Variants in VAX2 observed in about 807,000 individuals in gnomAD.
The protein encoded by VAX2 is ventral anterior homeobox 2.
In VAX2, 8 loss-of-function variants were observed where a neutral mutation model predicts 12.5. That is an observed-to-expected ratio of 0.64 (90% CI 0.37 to 1.15). VAX2 has a LOEUF of 1.15. Ranked by LOEUF, VAX2 falls within the 50% of genes most tolerant of loss-of-function variation. VAX2 has a pLI of 0.01. For missense variants in VAX2, 476 were observed against 412.9 expected, an observed-to-expected ratio of 1.15 and a Z score of -1.32; for synonymous variants, 183 against 187.6, an observed-to-expected ratio of 0.98 and a Z score of 0.20.
intron 1 of VAX2, among the ~76,000 whole-genome samples, chr2:70,906,520 CTTTTTTTTTTT>C (rs869309305): frequency 1.7e-5 from 1 of 60,606 alleles, no homozygotes; most frequent in East Asian, 5.7e-4. Flanking sequence ...TTTTCTTTTC[CTTTTTTTTTTT>C]TTTTTTTTTT....
At position 70,913,672 on chromosome 2, in the gene VAX2, A is replaced by G. The variant is rs1421119841; in HGVS notation, c.248-7426A>G. ...GCCTGGGTGACAGAGCGAGACTCCG[A>G]CTCAAAATAAATAAATAAATAAATA... is the stretch of plus-strand genomic sequence containing the variant. On this transcript the variant is annotated intron_variant, in intron 1 of 2. Coordinates refer to ENST00000234392, the MANE Select transcript of VAX2 (RefSeq NM_012476.3). 4.0e-5 allele frequency among the ~76,000 whole-genome samples: 6 copies of G among 149,354 alleles called. No homozygotes were observed. The East Asian group carries it at 1.2e-3, about 29-fold the overall frequency.
chr2:70,905,820 CCG>C (rs1679045311), intron 1 of VAX2, among the ~76,000 whole-genome samples: 1 of 152,132 alleles, frequency 6.6e-6, no homozygotes, highest in Non-Finnish European at 1.5e-5. Context: ...TGGCATGCAC[CCG>C]CAGTCAGTCA....
chr2:70,911,971 C>T (rs1219179819), intron 1 of VAX2, among the ~76,000 whole-genome samples: 2 of 152,122 alleles, frequency 1.3e-5, no homozygotes, highest in African/African-American at 4.8e-5. Flanking sequence ...CTTTTATTTA[C>T]ATTTAAATTT....
At chr2:70,929,685 T>TAAAAAAAA (rs781783179) in intron 2 of VAX2, among the ~76,000 whole-genome samples, 1 of 32,606 alleles carries the variant, frequency 3.1e-5, no homozygotes, top group African/African-American at 1.9e-4. Flanking sequence ...AGACTCCATC[T>TAAAAAAAA]CAAAAAAAAA....
chr2:70,908,677 T>G (rs781886797), intron 1 of VAX2, among the ~76,000 whole-genome samples: 4 of 152,258 alleles, frequency 2.6e-5, no homozygotes, highest in African/African-American at 7.2e-5. Flanking sequence ...GAGAAGTTCC[T>G]AAAAGTGAAT....
chr2:70,912,828 GT>G (rs1472316769), intron 1 of VAX2, among the ~76,000 whole-genome samples: 1 of 152,022 alleles, frequency 6.6e-6, no homozygotes, highest in Non-Finnish European at 1.5e-5. Context: ...CAGGCCGGGG[GT>G]CACCACCTCT....
chr2:70,910,643 C>A (rs1679161019), intron 1 of VAX2, among the ~76,000 whole-genome samples: 1 of 151,934 alleles, frequency 6.6e-6, no homozygotes, highest in South Asian at 2.1e-4. Context: ...ATATTCTCTT[C>A]TGTGAATTTT....
At chr2:70,925,035 C>T (rs914941683) in intron 2 of VAX2, among the ~76,000 whole-genome samples, 9 of 152,078 alleles carry the variant, frequency 5.9e-5, no homozygotes, top group South Asian at 2.1e-4. Context: ...TCAAGGCAGA[C>T]GGTAACTATG....
chr2:70,928,248 C>T (rs1278825431), intron 2 of VAX2, among the ~76,000 whole-genome samples: 1 of 152,178 alleles, frequency 6.6e-6, no homozygotes, highest in Non-Finnish European at 1.5e-5. Flanking sequence ...GAGAGTTGAC[C>T]CTTCTTACTC....
chr2:70,909,740 T>A (rs1553411007), intron 1 of VAX2, among the ~76,000 whole-genome samples: 1 of 152,218 alleles, frequency 6.6e-6, no homozygotes, highest in Non-Finnish European at 1.5e-5. Flanking sequence ...TCCCTCATTC[T>A]TTTTAACCAC....
At chr2:70,917,083 G>A (rs188512756) in intron 1 of VAX2, among the ~76,000 whole-genome samples, 1,538 of 150,416 alleles carry the variant, frequency 0.01, 8 homozygotes, top group Non-Finnish European at 0.018. Context: ...ACCAGAAGAC[G>A]GAGGTTGCAG....
At chr2:70,928,984 A>C (rs1679630837) in intron 2 of VAX2, among the ~76,000 whole-genome samples, 1 of 152,124 alleles carries the variant, frequency 6.6e-6, no homozygotes, top group Non-Finnish European at 1.5e-5. Context: ...AGGTCCTAGG[A>C]CGGGGAGGTG....
At chr2:70,921,354 C>T (rs539334640) in intron 2 of VAX2, 69 bp downstream of exon 2, 1 of 1,465,934 alleles carries the variant, frequency 6.8e-7, no homozygotes, top group African/African-American at 1.4e-5. Flanking sequence ...GATATGAGGC[C>T]CTGTGAGCTG....
chr2:70,916,717 A>G (rs1401317559), intron 1 of VAX2, among the ~76,000 whole-genome samples: 3 of 152,166 alleles, frequency 2.0e-5, no homozygotes, highest in Non-Finnish European at 4.4e-5. Flanking sequence ...TTTCCTGAGT[A>G]GTATCCCAGA....
At chr2:70,913,632 C>T (rs932195326) in intron 1 of VAX2, among the ~76,000 whole-genome samples, 4 of 151,958 alleles carry the variant, frequency 2.6e-5, no homozygotes, top group Admixed American at 1.3e-4. Context: ...GCCAAGATCA[C>T]GCCACTGCAC....
At chr2:70,912,377 A>G (rs1553411329) in intron 1 of VAX2, among the ~76,000 whole-genome samples, 2 of 152,168 alleles carry the variant, frequency 1.3e-5, no homozygotes, top group Non-Finnish European at 1.5e-5. Context: ...TCAGCATATT[A>G]TCGGCCAGGC....
intron 2 of VAX2, among the ~76,000 whole-genome samples, chr2:70,928,557 G>A (rs1332799667): frequency 6.6e-6 from 1 of 152,110 alleles, no homozygotes; most frequent in Non-Finnish European, 1.5e-5. Flanking sequence ...CCCAGCACCA[G>A]CCCACACCCG....
At chr2:70,910,473 A>G (rs1411512161) in intron 1 of VAX2, among the ~76,000 whole-genome samples, 2 of 152,130 alleles carry the variant, frequency 1.3e-5, no homozygotes, top group African/African-American at 4.8e-5. Context: ...ACTCTTAGCC[A>G]TCTTGTATAA....
Position 70,900,709 on chromosome 2 carries a change from G to T in VAX2, c.88G>T (p.Gly30Ter). Residue 30 changes from glycine (G) to a stop codon, truncating the protein, a stop_gained, in exon 1 of 3, where the codon GGA (glycine) becomes TGA (stop). Transcript: ENST00000234392. LOFTEE classifies it high-confidence loss of function. ...CGGTGGGCGCTGCGGAGACCGCAGC[G>T]GAGCGGGGGACTTGCGAGCTGATGG... ...GGGGRCGDRS[G>*]AGDLRADGGG... The T allele has an allele frequency of 2.9e-6, 4 of 1,367,032 alleles. No individual in the cohort carries two copies. Among genetic ancestry groups the T allele is most frequent in the Non-Finnish European group, 3.8e-6 (4 of 1,056,824 alleles). The allele number at this position is 1,367,032 out of a possible 1,614,324, so 84.7% of individuals were successfully genotyped here. A position where few individuals can be genotyped will look rare whatever the true frequency, so the allele number is the denominator to read the frequency against.
Sources: gnomAD v4.1 joint callset for allele counts (sites outside exome capture counted in the v4.1 genomes callset) on GRCh38, gnomAD v4.1.1 for gene constraint, MANE v1.5 for transcripts, NCBI Gene and HGNC (gene_info 2026-07-23, HGNC 2026-07-21) for gene names.